CSMD3: variants seen among roughly 807,000 people sequenced by gnomAD.
The protein encoded by CSMD3 is CUB and Sushi multiple domains 3, also known as CUB and sushi domain-containing protein 3.
In CSMD3, 177 loss-of-function variants were observed where a neutral mutation model predicts 435.2. That is an observed-to-expected ratio of 0.41 (90% CI 0.36 to 0.46). The LOEUF (loss-of-function observed/expected upper bound fraction) is 0.46. Ranked by LOEUF, CSMD3 falls within the 20% of genes least tolerant of loss-of-function variation. CSMD3 has a pLI of 0.34. For missense variants in CSMD3, 4,265 were observed against 4,504.6 expected, an observed-to-expected ratio of 0.95 and a Z score of 1.52; for synonymous variants, 1,656 against 1,520.5, an observed-to-expected ratio of 1.09 and a Z score of -2.07.
At chr8:113,152,743 G>T (rs1371286627) in intron 4 of CSMD3, among the ~76,000 whole-genome samples, 7 of 151,888 alleles carry the variant, frequency 4.6e-5, no homozygotes, top group Admixed American at 1.3e-4. Context: ...ACTTTGGGAG[G>T]CCAATTGAGT....
rs182926328 is a variant in CSMD3 at position 113,181,945 on chromosome 8, A to T, written c.515-8029T>A. Among the ~76,000 whole-genome samples the T allele has an allele frequency of 5.9e-3, 893 of 152,158 alleles. 10 individuals are homozygous for T. The highest frequency in any genetic ancestry group is 0.019 in the African/African-American group (799 of 41,540). On this transcript the variant is annotated intron_variant, in intron 3 of 70. Coordinates refer to ENST00000297405, the MANE Select transcript of CSMD3 (RefSeq NM_198123.2). ...AAAGGTAATTTAATTCTTTAAAAAGATGTGTTAAGCCGATCATGGATAATT... is the reference window on the plus strand; with the variant it reads ...AAAGGTAATTTAATTCTTTAAAAAGTTGTGTTAAGCCGATCATGGATAATT...
chr8:113,132,225 C>T (rs1229427530), intron 4 of CSMD3, among the ~76,000 whole-genome samples: 1 of 152,048 alleles, frequency 6.6e-6, no homozygotes, highest in Non-Finnish European at 1.5e-5. Context: ...TGGGTTAATG[C>T]TGAAATGAGT....
chr8:112,331,779 A>G (rs1824085439), intron 45 of CSMD3, among the ~76,000 whole-genome samples: 1 of 152,060 alleles, frequency 6.6e-6, no homozygotes, highest in African/African-American at 2.4e-5. Context: ...TGGGTGGGGT[A>G]GTAAACCATT....
intron 38 of CSMD3, among the ~76,000 whole-genome samples, chr8:112,374,603 C>T (rs1428232369): frequency 6.6e-6 from 1 of 152,030 alleles, no homozygotes; most frequent in Non-Finnish European, 1.5e-5. Context: ...TCTTTAAAGG[C>T]TTTTTGTAGT....
At chr8:112,797,534 CAATA>C (rs959743882) in intron 13 of CSMD3, among the ~76,000 whole-genome samples, 3 of 151,788 alleles carry the variant, frequency 2.0e-5, no homozygotes, top group African/African-American at 7.2e-5. Context: ...ACAAACTACT[CAATA>C]AATAGATATA....
chr8:112,949,909 C>T lies in CSMD3; in HGVS notation c.1421-2032G>A, dbSNP rs190467296. Among the ~76,000 whole-genome samples the T allele has an allele frequency of 2.0e-5, 3 of 151,984 alleles. 1 individual carries two copies. On this transcript the variant is annotated intron_variant, in intron 8 of 70. Transcript: ENST00000297405. ...ATGTCTCCATGTTTTCCTTTCCTTC[C>T]CCTTTAGCTATCAAAATCCTATCTA... is the stretch of plus-strand genomic sequence containing the variant.
chr8:112,409,789 C>T (rs1312471324), intron 32 of CSMD3, among the ~76,000 whole-genome samples: 1 of 151,846 alleles, frequency 6.6e-6, no homozygotes, highest in Non-Finnish European at 1.5e-5. Flanking sequence ...GCAGAATTTA[C>T]CCAAACTAAA....
chr8:113,367,758 T>C (rs894145080), intron 1 of CSMD3, among the ~76,000 whole-genome samples: 7 of 152,062 alleles, frequency 4.6e-5, no homozygotes, highest in African/African-American at 1.7e-4. Flanking sequence ...TCCTGAATGC[T>C]GTATGACTGT....
chr8:112,992,333 C>G (rs540061862), intron 6 of CSMD3, among the ~76,000 whole-genome samples: 1 of 151,496 alleles, frequency 6.6e-6, no homozygotes, highest in African/African-American at 2.4e-5. Context: ...AAAATGATAA[C>G]ACGAAGGAAA....
chr8:112,472,529 A>T (rs1818626947), intron 32 of CSMD3, 62 bp downstream of exon 32: 1 of 876,272 alleles, frequency 1.1e-6, no homozygotes, highest in Admixed American at 1.7e-5. Context: ...TTTGAATAGC[A>T]TGTAGTGAAA....
intron 12 of CSMD3, among the ~76,000 whole-genome samples, chr8:112,827,295 A>G (rs1012669520): frequency 4.7e-5 from 7 of 149,908 alleles, no homozygotes; most frequent in Non-Finnish European, 7.4e-5. Flanking sequence ...AGGACATAGC[A>G]TCTATGCTCT....
intron 5 of CSMD3, among the ~76,000 whole-genome samples, chr8:113,064,084 C>A (rs1352874600): frequency 2.0e-5 from 3 of 150,672 alleles, no homozygotes; most frequent in Non-Finnish European, 3.0e-5. Context: ...ATTATAGTTA[C>A]AATGACAGAA....
chr8:112,805,401 A>T (rs562111342), intron 12 of CSMD3, among the ~76,000 whole-genome samples: 1 of 109,866 alleles, frequency 9.1e-6, no homozygotes, highest in East Asian at 3.2e-4. Flanking sequence ...CTTTACAAAA[A>T]ACATAAGCAA....
chr8:112,868,010 C>T (rs1214435659), intron 10 of CSMD3, among the ~76,000 whole-genome samples: 2 of 152,102 alleles, frequency 1.3e-5, no homozygotes, highest in Non-Finnish European at 2.9e-5. Flanking sequence ...CACAGCCATA[C>T]ATCATTATTT....
chr8:113,127,437 C>G (rs2091166069), intron 4 of CSMD3, among the ~76,000 whole-genome samples: 1 of 151,992 alleles, frequency 6.6e-6, no homozygotes. Flanking sequence ...GGCTGTATTT[C>G]AAGCCCTTGG....
At chr8:112,492,097 A>T in intron 31 of CSMD3, among the ~76,000 whole-genome samples, 1 of 152,292 alleles carries the variant, frequency 6.6e-6, no homozygotes, top group East Asian at 1.9e-4. Flanking sequence ...AATAATATTT[A>T]AATTATTAAA....
At chr8:113,334,109 T>G (rs2094049827) in intron 1 of CSMD3, among the ~76,000 whole-genome samples, 1 of 151,906 alleles carries the variant, frequency 6.6e-6, no homozygotes. Flanking sequence ...ATATTTGCTT[T>G]GTATCTGTAA....
intron 23 of CSMD3, among the ~76,000 whole-genome samples, chr8:112,578,065 C>A (rs1265388633): frequency 1.3e-5 from 2 of 151,926 alleles, no homozygotes; most frequent in African/African-American, 2.4e-5. Flanking sequence ...AAATTAAATA[C>A]ATTTTCTAAA....
intron 8 of CSMD3, among the ~76,000 whole-genome samples, chr8:112,952,809 C>T (rs138787963): frequency 1.3e-5 from 2 of 151,318 alleles, no homozygotes; most frequent in African/African-American, 4.8e-5. Context: ...ACATTTTTGC[C>T]TCATATTAGC....
Sources: allele counts gnomAD v4.1 joint callset (sites outside exome capture counted in the v4.1 genomes callset), GRCh38; gene constraint gnomAD v4.1.1; transcripts MANE v1.5; gene names NCBI Gene and HGNC (gene_info 2026-07-23, HGNC 2026-07-21).